The following LRP1B variants were observed in gnomAD, a reference collection of about 807,000 sequenced individuals.
LRP1B encodes LDL receptor related protein 1B.
A neutral mutation model predicts 556.6 loss-of-function variants in LRP1B; 217 were observed. The ratio of observed to expected loss-of-function variants is 0.39; its 90% CI spans 0.35 to 0.44. The LOEUF (loss-of-function observed/expected upper bound fraction) is 0.44, where lower values mean the gene tolerates loss of function less well. Ranked by LOEUF, LRP1B falls within the 20% of genes least tolerant of loss-of-function variation. LRP1B has a pLI of 1.00. For synonymous variants in LRP1B, 2,047 were observed against 1,865.8 expected (o/e 1.10, Z -2.50); for missense variants, 5,053 against 5,620.8 (o/e 0.90, Z 3.23).
intron 41 of LRP1B, among the ~76,000 whole-genome samples, chr2:140,671,350 C>G (rs1685476408): frequency 1.3e-5 from 2 of 152,116 alleles, no homozygotes; most frequent in South Asian, 4.1e-4. Context: ...GAAACCCCGT[C>G]TCTACTAAAA....
At chr2:140,653,503 A>G (rs1310435914) in intron 41 of LRP1B, among the ~76,000 whole-genome samples, 1 of 152,078 alleles carries the variant, frequency 6.6e-6, no homozygotes, top group African/African-American at 2.4e-5. Context: ...TAAAATTTAT[A>G]TGATAATAAC....
chr2:141,711,621 A>T (rs1574271032), intron 2 of LRP1B, among the ~76,000 whole-genome samples: 1 of 152,196 alleles, frequency 6.6e-6, no homozygotes, highest in Admixed American at 6.6e-5. Context: ...CTGATGCTTT[A>T]AAATAAAATT....
intron 11 of LRP1B, among the ~76,000 whole-genome samples, chr2:141,044,045 C>T (rs1192666728): frequency 6.6e-6 from 1 of 151,864 alleles, no homozygotes; most frequent in Non-Finnish European, 1.5e-5. Context: ...GTAACCAAAA[C>T]AGCATGGTAC....
At chr2:141,288,493 C>T (rs1390695295) in intron 3 of LRP1B, among the ~76,000 whole-genome samples, 1 of 151,866 alleles carries the variant, frequency 6.6e-6, no homozygotes, top group Non-Finnish European at 1.5e-5. Context: ...TAGAAATGCA[C>T]TCTTATTTTT....
chr2:140,487,106 C>T (rs921742260), intron 58 of LRP1B, among the ~76,000 whole-genome samples: 5 of 151,808 alleles, frequency 3.3e-5, no homozygotes, highest in African/African-American at 9.7e-5. Flanking sequence ...TGACATGGAT[C>T]ATACACATGA....
intron 35 of LRP1B, among the ~76,000 whole-genome samples, chr2:140,724,351 C>T (rs950125892): frequency 3.3e-5 from 5 of 151,938 alleles, no homozygotes; most frequent in African/African-American, 9.7e-5. Flanking sequence ...TTTAAAAGAA[C>T]CTCAAATTAG....
chr2:140,488,138 T>G (rs140759220), intron 57 of LRP1B, among the ~76,000 whole-genome samples: 8 of 151,952 alleles, frequency 5.3e-5, no homozygotes, highest in African/African-American at 1.7e-4. Flanking sequence ...AAAGCATATA[T>G]CTAAATTGAA....
At chr2:141,701,510 A>G (rs958366280) in intron 2 of LRP1B, among the ~76,000 whole-genome samples, 1 of 151,854 alleles carries the variant, frequency 6.6e-6, no homozygotes, top group Admixed American at 6.6e-5. Context: ...CTGGGTTCAC[A>G]TCTTGACGCC....
intron 6 of LRP1B, among the ~76,000 whole-genome samples, chr2:141,224,838 G>T (rs937404409): frequency 1.3e-5 from 2 of 151,914 alleles, no homozygotes; most frequent in African/African-American, 2.4e-5. Flanking sequence ...GGGGAAGGGA[G>T]GGCATCAGGA....
At chr2:141,372,203 T>C (rs1261516371) in intron 3 of LRP1B, among the ~76,000 whole-genome samples, 1 of 152,178 alleles carries the variant, frequency 6.6e-6, no homozygotes, top group East Asian at 1.9e-4. Flanking sequence ...TTATATATAT[T>C]GAATCATCCT....
intron 32 of LRP1B, among the ~76,000 whole-genome samples, chr2:140,794,115 C>T (rs144048253): frequency 1.3e-5 from 2 of 152,014 alleles, no homozygotes; most frequent in African/African-American, 2.4e-5. Context: ...AAGATACATA[C>T]GGTCCTCATT....
chr2:141,907,380 T>C, intron 1 of LRP1B, among the ~76,000 whole-genome samples: 1 of 152,018 alleles, frequency 6.6e-6, no homozygotes, highest in South Asian at 2.1e-4. Context: ...TAAATCTAAA[T>C]GTGAATATAA....
chr2:141,617,627 A>G (rs1340642862), intron 2 of LRP1B, among the ~76,000 whole-genome samples: 1 of 152,204 alleles, frequency 6.6e-6, no homozygotes, highest in Non-Finnish European at 1.5e-5. Flanking sequence ...TCTTCAGATA[A>G]TACAAAATGA....
chr2:140,239,245 C>A (rs1419212801), intron 88 of LRP1B, among the ~76,000 whole-genome samples, 197 bp downstream of exon 88: 1 of 150,722 alleles, frequency 6.6e-6, no homozygotes, highest in Non-Finnish European at 1.5e-5. Context: ...ATGGACCATT[C>A]CCTTAACATA....
intron 18 of LRP1B, among the ~76,000 whole-genome samples, chr2:140,957,820 A>G (rs894098793): frequency 3.3e-5 from 5 of 151,500 alleles, no homozygotes; most frequent in African/African-American, 1.2e-4. Context: ...ATGCCAACAT[A>G]AGCTAGGACC....
intron 29 of LRP1B, among the ~76,000 whole-genome samples, chr2:140,843,123 T>C (rs1192865220): frequency 4.4e-5 from 4 of 90,836 alleles, no homozygotes; most frequent in African/African-American, 1.7e-4. Flanking sequence ...TGGTGGGGGG[T>C]GAGGGGTAAG....
rs776341054 is a variant in LRP1B, at chr2:140,598,875, C to G, written c.6990-40G>C. ...AATTGTAACTATAAATTAAACTTCT[C>G]ATCAAGAGTAAAAATACTAATAGAA... On this transcript the variant is annotated intron_variant, in intron 42 of 90. Transcript: ENST00000389484. 3 of 1,349,410 alleles carry G rather than the reference C, an allele frequency of 2.2e-6. No individual in the cohort carries two copies. The Admixed American group carries it at 5.3e-5, about 24-fold the overall frequency. The allele number at this position is 1,349,410 out of a possible 1,614,324, so 83.6% of individuals were successfully genotyped here.
intron 2 of LRP1B, among the ~76,000 whole-genome samples, chr2:141,659,716 C>T (rs1263175327): frequency 6.6e-6 from 1 of 152,014 alleles, no homozygotes; most frequent in Non-Finnish European, 1.5e-5. Context: ...GAGTCATTAT[C>T]ATGCAGGTAG....
chr2:140,543,506 T>C (rs1680212471), intron 43 of LRP1B, among the ~76,000 whole-genome samples: 1 of 152,058 alleles, frequency 6.6e-6, no homozygotes, highest in Admixed American at 6.6e-5. Flanking sequence ...AGAAAACTCA[T>C]ATACATGTCC....
Sources: allele counts gnomAD v4.1 joint callset (sites outside exome capture counted in the v4.1 genomes callset), GRCh38; gene constraint gnomAD v4.1.1; transcripts MANE v1.5; gene names NCBI Gene and HGNC (gene_info 2026-07-23, HGNC 2026-07-21).